The following TMEM40 variants were observed in gnomAD, a reference collection of about 807,000 sequenced individuals.
The protein encoded by TMEM40 is transmembrane protein 40.
In TMEM40, 34 loss-of-function variants were observed where a neutral mutation model predicts 40.8. The ratio of observed to expected loss-of-function variants is 0.83; its 90% CI spans 0.63 to 1.11. The LOEUF is 1.11. TMEM40 is among the 50% of genes least tolerant of loss of function. The probability of loss-of-function intolerance (pLI) is 0.00; values close to 1 mark genes in which losing one functional copy is unlikely to be tolerated. For synonymous variants in TMEM40, 106 were observed against 107.0 expected (o/e 0.99, Z 0.06); for missense variants, 296 against 280.2 (o/e 1.06, Z -0.40).
intron 1 of TMEM40, among the ~76,000 whole-genome samples, chr3:12,768,651 T>C (rs964932619): frequency 4.6e-5 from 7 of 151,988 alleles, no homozygotes; most frequent in Non-Finnish European, 7.4e-5. Context: ...AGAGTGCTGA[T>C]TGGTGTTATT....
At chr3:12,747,415 T>C (rs2061437712) in intron 3 of TMEM40, among the ~76,000 whole-genome samples, 1 of 152,120 alleles carries the variant, frequency 6.6e-6, no homozygotes, top group South Asian at 2.1e-4. Context: ...GGAATAATAA[T>C]AGTACCTTCC....
At position 12,733,666 on chromosome 3, in the gene TMEM40, T is replaced by C. The variant is rs1164931337; in HGVS notation, c.*1108A>G. The C allele has an allele frequency of 6.6e-6, 1 of 152,142 alleles. No homozygotes were observed. Among genetic ancestry groups the C allele is most frequent in the Non-Finnish European group, 1.5e-5 (1 of 68,024 alleles). 9.4% of individuals were successfully genotyped at this position (152,142 alleles called of 1,614,324 possible). ...ACCCTTCTGAGTTTTGAGAACAGCA[T>C]GTCTGTGACCATCAAGAACTCAGTT... is the stretch of plus-strand genomic sequence containing the variant. On this transcript the variant is annotated 3_prime_UTR_variant, in exon 12 of 12. Transcript: ENST00000314124.
At position 12,748,549 on chromosome 3, in the gene TMEM40, C is replaced by T. The variant is rs560453750; in HGVS notation, c.211+106G>A. ...GGCTCTAGAAGAGAATGTGGAGAAACGGTATTGGAGTTTCAAGTACTTCAA... is the reference window on the plus strand; with the variant it reads ...GGCTCTAGAAGAGAATGTGGAGAAATGGTATTGGAGTTTCAAGTACTTCAA... On this transcript the variant is annotated intron_variant, in intron 3 of 11. Transcript: ENST00000314124. 485 of 1,434,396 alleles carry T rather than the reference C, an allele frequency of 3.4e-4. 1 individual carries two copies. In the African/African-American group the frequency reaches 5.6e-3, roughly 16 times the overall value. The allele number at this position is 1,434,396 out of a possible 1,614,324, so 88.9% of individuals were successfully genotyped here.
chr3:12,744,046 G>A (rs529734211), intron 3 of TMEM40, 57 bp from the exon 4 acceptor site: 3 of 1,538,576 alleles, frequency 1.9e-6, no homozygotes, highest in Admixed American at 1.8e-5. Flanking sequence ...AGCTGGGAAT[G>A]CGTTCATTCT....
chr3:12,747,910 CAAAAAAAAA>C (rs747586371), intron 3 of TMEM40, among the ~76,000 whole-genome samples: 2 of 27,568 alleles, frequency 7.3e-5, no homozygotes, highest in African/African-American at 2.2e-4. Context: ...GATTCTGTCT[CAAAAAAAAA>C]AAAAAAAAAA....
chr3:12,739,377 C>G (rs1178800790), intron 5 of TMEM40, among the ~76,000 whole-genome samples: 1 of 151,902 alleles, frequency 6.6e-6, no homozygotes, highest in Non-Finnish European at 1.5e-5. Flanking sequence ...CTCCGCCTCC[C>G]GGGTTCATGC....
Position 12,733,868 on chromosome 3 carries a change from T to C in TMEM40, c.*906A>G, listed in dbSNP as rs937765087. ...ATTCCACATATTTCAAAACATGTTG[T>C]ACACTACAAATACATGCAATTTTTA... On this transcript the variant is annotated 3_prime_UTR_variant, in exon 12 of 12. Transcript: ENST00000314124. 6.6e-6 allele frequency: 1 copy of C among 152,058 alleles called. No homozygotes were observed. Among genetic ancestry groups the C allele is most frequent in the Admixed American group, 6.6e-5 (1 of 15,232 alleles). 9.4% of individuals were successfully genotyped at this position (152,058 alleles called of 1,614,324 possible). A position where few individuals can be genotyped will look rare whatever the true frequency, so the allele number is the denominator to read the frequency against.
chr3:12,744,359 T>A (rs2061409757), intron 3 of TMEM40, among the ~76,000 whole-genome samples: 1 of 152,118 alleles, frequency 6.6e-6, no homozygotes, highest in Non-Finnish European at 1.5e-5. Context: ...TGGCTCTGGA[T>A]GTTTGCTGTG....
intron 3 of TMEM40, among the ~76,000 whole-genome samples, chr3:12,744,584 A>T (rs2061412461): frequency 6.6e-6 from 1 of 152,128 alleles, no homozygotes; most frequent in African/African-American, 2.4e-5. Context: ...CAACCATTTC[A>T]TCTCCTGAAG....
intron 1 of TMEM40, 40 bp downstream of exon 1, chr3:12,759,151 C>T (rs1358622129): frequency 2.6e-5 from 4 of 152,534 alleles, no homozygotes; most frequent in Admixed American, 6.5e-5. Flanking sequence ...TAAAAGCTGA[C>T]ACTCCACCCC....
chr3:12,766,052 G>T (rs1436895957), intron 1 of TMEM40, among the ~76,000 whole-genome samples: 13 of 151,768 alleles, frequency 8.6e-5, no homozygotes, highest in Non-Finnish European at 1.9e-4. Context: ...TAGAAAGAGG[G>T]TTTTGCCATG....
At chr3:12,760,744 A>AT (rs568688148), upstream of TMEM40, among the ~76,000 whole-genome samples, 21,265 of 143,984 alleles carry the variant, frequency 0.15, 1,536 homozygotes, top group African/African-American at 0.18. Context: ...GTGCTCACTA[A>AT]TTTTTTTTTT....
At chr3:12,765,951 C>G (rs139814967) in intron 1 of TMEM40, among the ~76,000 whole-genome samples, 15,844 of 151,950 alleles carry the variant, frequency 0.1, 2,704 homozygotes, top group African/African-American at 0.36. Context: ...CCACCTCCCG[C>G]GTTCAAGCGA....
At chr3:12,742,027 C>T (rs186449698) in intron 5 of TMEM40, among the ~76,000 whole-genome samples, 11 of 152,186 alleles carry the variant, frequency 7.2e-5, no homozygotes, top group Middle Eastern at 3.4e-3. Context: ...GTCAGGAGAC[C>T]GAGACCATCC....
intron 2 of TMEM40, among the ~76,000 whole-genome samples, chr3:12,749,317 C>T (rs1420285731): frequency 2.6e-5 from 4 of 152,176 alleles, no homozygotes; most frequent in Admixed American, 6.5e-5. Flanking sequence ...AGCCGCCGCG[C>T]CCGGCCAGAA....
At chr3:12,749,971 A>G in intron 1 of TMEM40, 131 bp from the exon 2 acceptor site, 1 of 941,978 alleles carries the variant, frequency 1.1e-6, no homozygotes. Context: ...AATTAACAAA[A>G]AAAATGGTAG....
chr3:12,749,817 A>T lies in TMEM40; in HGVS notation c.16T>A (p.Ser6Thr), dbSNP rs755760542. 13 of 1,614,066 alleles carry T rather than the reference A, an allele frequency of 8.1e-6. No homozygotes were observed. The highest frequency in any genetic ancestry group is 1.7e-4 in the Middle Eastern group (1 of 5,992). METSA[S>T]SSQPQDNSQV... ...CTGTTGTCCTGAGGCTGGGAGGAGGATGCTGAAGTCTCCATGGCTTTTCCT... is the reference window on the plus strand; with the variant it reads ...CTGTTGTCCTGAGGCTGGGAGGAGGTTGCTGAAGTCTCCATGGCTTTTCCT... The change falls in exon 2 of 12, where the codon TCC (serine) becomes ACC (threonine). Residue 6 changes from serine to threonine, a missense_variant. Coordinates refer to ENST00000314124, the MANE Select transcript of TMEM40 (RefSeq NM_018306.4).
At chr3:12,761,128 G>T (rs2061565942), upstream of TMEM40, among the ~76,000 whole-genome samples, 1 of 152,214 alleles carries the variant, frequency 6.6e-6, no homozygotes, top group African/African-American at 2.4e-5. Flanking sequence ...CATGTGTGAG[G>T]GCTTAGAGGT....
In TMEM40 at chr3:12,743,787, C is replaced by T. The variant is rs1303534132; in HGVS notation, c.301+113G>A. On this transcript the variant is annotated intron_variant, in intron 4 of 11. Transcript: ENST00000314124. ...CTATTCTGCTGCTGTCAGGCTATTT[C>T]CTATTTTATCCTGCCATAAACAATG... The T allele has an allele frequency of 2.2e-5, 22 of 1,000,628 alleles. No homozygotes were observed. In the Admixed American group the frequency reaches 5.4e-4, roughly 24 times the overall value. 62.0% of individuals were successfully genotyped at this position (1,000,628 alleles called of 1,614,324 possible).
Sources: allele counts gnomAD v4.1 joint callset (sites outside exome capture counted in the v4.1 genomes callset), GRCh38; gene constraint gnomAD v4.1.1; transcripts MANE v1.5; gene names NCBI Gene and HGNC (gene_info 2026-07-23, HGNC 2026-07-21).